DNAH6: variants seen among roughly 807,000 people sequenced by gnomAD.
The protein encoded by DNAH6 is axonemal beta dynein heavy chain 6.
A neutral mutation model predicts 491.4 loss-of-function variants in DNAH6; 340 were observed. The ratio of observed to expected loss-of-function variants is 0.69; its 90% CI spans 0.63 to 0.76. The LOEUF (loss-of-function observed/expected upper bound fraction) is 0.76, where lower values mean the gene tolerates loss of function less well. Among genes scored for constraint, DNAH6 ranks in the 30% least tolerant of loss-of-function variants. The probability of loss-of-function intolerance (pLI) is 0.00; values close to 1 mark genes in which losing one functional copy is unlikely to be tolerated. For missense variants in DNAH6, 4,443 were observed against 4,972.2 expected (o/e 0.89, Z 3.20); for synonymous variants, 1,603 against 1,686.1 (o/e 0.95, Z 1.21).
intron 30 of DNAH6, 63 bp downstream of exon 30, chr2:84,634,704 A>C: frequency 7.1e-7 from 1 of 1,411,884 alleles, no homozygotes; most frequent in Non-Finnish European, 9.3e-7. Flanking sequence ...AACTCACAGA[A>C]TGTTACATTT....
chr2:84,637,457 T>G, intron 31 of DNAH6, 80 bp downstream of exon 31: 2 of 1,401,536 alleles, frequency 1.4e-6, no homozygotes, highest in South Asian at 3.3e-5. Context: ...GGTAGAAAGT[T>G]TCCTTTATGA....
chr2:84,548,438 A>T (rs750984738), intron 8 of DNAH6, 21 bp downstream of exon 8: 80 of 1,612,840 alleles, frequency 5.0e-5, no homozygotes, highest in Middle Eastern at 1.6e-4. Context: ...TCTCATTTTC[A>T]AGAAAAATTG....
Position 84,632,308 on chromosome 2 carries a change from G to A in DNAH6, c.4516-2196G>A, listed in dbSNP as rs1476381975. On this transcript the variant is annotated intron_variant, in intron 29 of 76. Transcript: ENST00000389394. ...TGCTGAGCCTCTACACCTGTGGCACGCGTTCACCAAGTCACCAGCCGTGTC... is the reference window on the plus strand; with the variant it reads ...TGCTGAGCCTCTACACCTGTGGCACACGTTCACCAAGTCACCAGCCGTGTC... Among the ~76,000 whole-genome samples the A allele has an allele frequency of 1.3e-5, 2 of 152,098 alleles. 1 individual carries two copies. The highest frequency in any genetic ancestry group is 2.9e-5 in the Non-Finnish European group (2 of 68,010).
At chr2:84,796,187 C>T in intron 68 of DNAH6, 119 bp from the exon 69 acceptor site, 1 of 637,522 alleles carries the variant, frequency 1.6e-6, no homozygotes, top group Non-Finnish European at 2.5e-6. Context: ...CTGTTGTGTG[C>T]TTTCCATTTT....
chr2:84,749,941 C>T (rs536401246), intron 63 of DNAH6, among the ~76,000 whole-genome samples: 1 of 152,216 alleles, frequency 6.6e-6, no homozygotes, highest in African/African-American at 2.4e-5. Context: ...TTAGAAGAGA[C>T]TTAGGAGACA....
intron 63 of DNAH6, among the ~76,000 whole-genome samples, chr2:84,761,789 T>C (rs9309618): frequency 4.2e-4 from 60 of 141,870 alleles, no homozygotes; most frequent in African/African-American, 7.0e-4. Context: ...CACACACACA[T>C]ACACACACAC....
intron 11 of DNAH6, among the ~76,000 whole-genome samples, chr2:84,571,277 C>T (rs577324712): frequency 1.4e-4 from 22 of 152,254 alleles, no homozygotes; most frequent in African/African-American, 5.3e-4. Context: ...TACTAAAATG[C>T]GTATGCAAAA....
In DNAH6 at chr2:84,705,651, A is replaced by G. The variant is rs373061751; in HGVS notation, c.8631A>G (p.Ala2877=). 1.9e-6 allele frequency: 3 copies of G among 1,551,570 alleles called. No homozygotes were observed. The highest frequency in any genetic ancestry group is 2.7e-5 in the African/African-American group (2 of 73,048). ...VPEKVEKVSK[A]CKSMCMWVRA... The stretch of plus-strand genomic sequence containing the variant: ...AAAAAGTGGAGAAAGTGTCCAAAGC[A>G]TGTAAATCTATGTGCATGTGGGTAA... The change falls in exon 52 of 77, where the codon GCA becomes GCG. Residue 2877 remains alanine (A), a synonymous_variant. Coordinates refer to ENST00000389394, the MANE Select transcript of DNAH6 (RefSeq NM_001370.2).
chr2:84,761,268 T>C lies in DNAH6; in HGVS notation c.10513-1487T>C, dbSNP rs188584248. On this transcript the variant is annotated intron_variant, in intron 63 of 76. Coordinates refer to ENST00000389394, the MANE Select transcript of DNAH6 (RefSeq NM_001370.2). ...CTCACTCAGAAGGGAGAGCTAAATATTATGTACACATGAATGTAGAGAAAG... is the reference window on the plus strand; with the variant it reads ...CTCACTCAGAAGGGAGAGCTAAATACTATGTACACATGAATGTAGAGAAAG... Among the ~76,000 whole-genome samples the C allele has an allele frequency of 2.3e-3, 352 of 152,000 alleles. 2 individuals carry two copies. Among genetic ancestry groups the C allele is most frequent in the Non-Finnish European group, 3.1e-3 (208 of 67,968 alleles).
At position 84,702,050 on chromosome 2, in the gene DNAH6, C is replaced by T. The variant is rs1265437708; in HGVS notation, c.8061+711C>T. 2.6e-5 allele frequency among the ~76,000 whole-genome samples: 4 copies of T among 152,156 alleles called. No individual in the cohort carries two copies. In the East Asian group the frequency reaches 7.7e-4, roughly 29 times the overall value. ...CATCAAAGTTATGCAGTGAACTGGT[C>T]ATCTCTATGGTATTTAATACAGAGG... is the stretch of plus-strand genomic sequence containing the variant. On this transcript the variant is annotated intron_variant, in intron 49 of 76. Coordinates refer to ENST00000389394, the MANE Select transcript of DNAH6 (RefSeq NM_001370.2).
chr2:84,580,806 A>G (rs1036200055), intron 14 of DNAH6, among the ~76,000 whole-genome samples: 1 of 152,146 alleles, frequency 6.6e-6, no homozygotes, highest in Non-Finnish European at 1.5e-5. Flanking sequence ...TAGGGATCCT[A>G]CTTAAGGATT....
At chr2:84,664,549 ACTAT>A in intron 37 of DNAH6, among the ~76,000 whole-genome samples, 1 of 152,240 alleles carries the variant, frequency 6.6e-6, no homozygotes, top group East Asian at 1.9e-4. Flanking sequence ...AGAAGAGCTA[ACTAT>A]CCTAAATATA....
rs117807479 is a variant in DNAH6 at position 84,770,443 on chromosome 2, G to A, written c.10703+7498G>A. Among the ~76,000 whole-genome samples the A allele has an allele frequency of 2.6e-3, 398 of 152,078 alleles. 15 individuals are homozygous for A. The East Asian group carries it at 0.071, about 27-fold the overall frequency. Reference sequence around the variant, plus strand: ...TTTTAAATGTGCTCATACAGTTAAAGGAAACATGAACAAATAACTAAAGGA... The same window carrying A: ...TTTTAAATGTGCTCATACAGTTAAAAGAAACATGAACAAATAACTAAAGGA... On this transcript the variant is annotated intron_variant, in intron 64 of 76. Transcript: ENST00000389394.
chr2:84,748,910 A>C (rs1673202818), intron 63 of DNAH6, among the ~76,000 whole-genome samples: 1 of 152,238 alleles, frequency 6.6e-6, no homozygotes, highest in South Asian at 2.1e-4. Context: ...GGCCTCAGGA[A>C]TCTTTTACAT....
chr2:84,684,200 C>T, intron 42 of DNAH6, among the ~76,000 whole-genome samples: 1 of 152,200 alleles, frequency 6.6e-6, no homozygotes, highest in East Asian at 1.9e-4. Flanking sequence ...TTCATGAACT[C>T]AATTTTCCTA....
chr2:84,525,760 T>C, intron 3 of DNAH6, 22 bp downstream of exon 3: 1 of 1,500,488 alleles, frequency 6.7e-7, no homozygotes, highest in Non-Finnish European at 9.0e-7. Flanking sequence ...AAATACTTAA[T>C]TGATTCTTTT....
At chr2:84,715,784 A>C (rs576259268) in intron 58 of DNAH6, among the ~76,000 whole-genome samples, 157 bp downstream of exon 58, 1 of 152,282 alleles carries the variant, frequency 6.6e-6, no homozygotes, top group East Asian at 1.9e-4. Context: ...CAAGTTCTTT[A>C]CCATTTCCAT....
intron 70 of DNAH6, among the ~76,000 whole-genome samples, chr2:84,805,455 A>C (rs1392428189): frequency 4.6e-5 from 7 of 152,236 alleles, no homozygotes; most frequent in Admixed American, 4.6e-4. Context: ...CTTTTGTGCA[A>C]CATTGTACCT....
chr2:84,739,305 A>G (rs775290486), intron 62 of DNAH6, among the ~76,000 whole-genome samples: 4 of 152,084 alleles, frequency 2.6e-5, no homozygotes, highest in Non-Finnish European at 5.9e-5. Context: ...TATCCCTCCT[A>G]TCCATCCCCA....
Sources: gnomAD v4.1 joint callset for allele counts (sites outside exome capture counted in the v4.1 genomes callset) on GRCh38, gnomAD v4.1.1 for gene constraint, MANE v1.5 for transcripts, NCBI Gene and HGNC (gene_info 2026-07-23, HGNC 2026-07-21) for gene names.